The following TSPEAR variants were observed in gnomAD, a reference collection of about 807,000 sequenced individuals.
TSPEAR encodes the protein thrombospondin-type laminin G domain and EAR repeat-containing protein.
Under a neutral mutation model 71.6 loss-of-function variants are expected in TSPEAR, and 69 were observed. That is an observed-to-expected ratio of 0.96 (90% CI 0.79 to 1.18). The LOEUF (loss-of-function observed/expected upper bound fraction) is 1.18. Ranked by LOEUF, TSPEAR falls within the 50% of genes most tolerant of loss-of-function variation. TSPEAR has a pLI of 0.00. For synonymous variants in TSPEAR, 402 were observed against 387.2 expected, an observed-to-expected ratio of 1.04 and a Z score of -0.45; for missense variants, 971 against 894.9, an observed-to-expected ratio of 1.09 and a Z score of -1.09.
At chr21:44,708,036 CACACA>C (rs1988026407) in intron 1 of TSPEAR, among the ~76,000 whole-genome samples, 1 of 144,490 alleles carries the variant, frequency 6.9e-6, no homozygotes, top group Admixed American at 6.9e-5. Flanking sequence ...CACACACACA[CACACA>C]CACACCACAC....
At chr21:44,659,569 A>C (rs1985378423) in intron 1 of TSPEAR, among the ~76,000 whole-genome samples, 2 of 152,212 alleles carry the variant, frequency 1.3e-5, no homozygotes, top group Non-Finnish European at 2.9e-5. Flanking sequence ...AGATATGCAA[A>C]AAAGCAAGGA....
At chr21:44,681,578 G>C in intron 1 of TSPEAR, 1 of 483,608 alleles carries the variant, frequency 2.1e-6, no homozygotes, top group South Asian at 5.0e-5. Context: ...ACGCAGAGTT[G>C]CATGGGGAAA....
At chr21:44,587,141 C>A (rs1979392669) in intron 1 of TSPEAR, among the ~76,000 whole-genome samples, 1 of 152,138 alleles carries the variant, frequency 6.6e-6, no homozygotes, top group East Asian at 1.9e-4. Flanking sequence ...TAGAAAACCC[C>A]AAAGATTCCT....
intron 1 of TSPEAR, among the ~76,000 whole-genome samples, chr21:44,671,287 T>A (rs1986044074): frequency 6.6e-6 from 1 of 152,186 alleles, no homozygotes; most frequent in Non-Finnish European, 1.5e-5. Flanking sequence ...GCTACTACCA[T>A]CATCCATGTC....
intron 1 of TSPEAR, among the ~76,000 whole-genome samples, chr21:44,644,572 G>A (rs587752171): frequency 1.3e-5 from 2 of 152,292 alleles, no homozygotes; most frequent in East Asian, 3.9e-4. Context: ...AATTGGAGCA[G>A]GACCCTAATG....
Position 44,508,854 on chromosome 21 carries a change from C to G in TSPEAR, c.1754+345G>C, listed in dbSNP as rs587671116. On this transcript the variant is annotated intron_variant, in intron 10 of 11. Coordinates refer to ENST00000323084, the MANE Select transcript of TSPEAR (RefSeq NM_144991.3). Reference sequence around the variant, plus strand: ...TCGAAGCCTGCACCTCGCACCTGTCCCTCTGGGGCCTCGGCTATCCCTCCG... The same window carrying G: ...TCGAAGCCTGCACCTCGCACCTGTCGCTCTGGGGCCTCGGCTATCCCTCCG... 2.0e-4 allele frequency: 283 copies of G among 1,408,976 alleles called. 2 individuals are homozygous for G. In the African/African-American group the frequency reaches 3.5e-3, roughly 17 times the overall value. The allele number at this position is 1,408,976 out of a possible 1,614,324, so 87.3% of individuals were successfully genotyped here. A position where few individuals can be genotyped will look rare whatever the true frequency, so the allele number is the denominator to read the frequency against.
In TSPEAR at chr21:44,521,875, G is replaced by T. The variant is rs782775533; in HGVS notation, c.1566+8C>A. Reference sequence around the variant, plus strand: ...ATGGAGAGCCGGGGCTCATGCGGGGGGCCTTACCGGGAAGGACTGGAAGAG... The same window carrying T: ...ATGGAGAGCCGGGGCTCATGCGGGGTGCCTTACCGGGAAGGACTGGAAGAG... On this transcript the variant is annotated splice_region_variant and intron_variant, in intron 9 of 11. Transcript: ENST00000323084. 1 of 1,612,214 alleles carries T rather than the reference G, an allele frequency of 6.2e-7. No individual in the cohort carries two copies.
intron 9 of TSPEAR, among the ~76,000 whole-genome samples, chr21:44,514,313 A>G (rs2052489829): frequency 6.6e-6 from 1 of 152,084 alleles, no homozygotes; most frequent in East Asian, 1.9e-4. Flanking sequence ...AGTGGCCCCC[A>G]CTGTATCCTT....
chr21:44,637,837 C>T (rs782063257), intron 1 of TSPEAR: 2 of 1,384,462 alleles, frequency 1.4e-6, no homozygotes, highest in Non-Finnish European at 2.0e-6. Context: ...GCACCTCCTC[C>T]CCATGCCAGC....
At chr21:44,633,676 T>G (rs1259896234) in intron 1 of TSPEAR, among the ~76,000 whole-genome samples, 3 of 152,222 alleles carry the variant, frequency 2.0e-5, no homozygotes, top group African/African-American at 7.2e-5. Context: ...TGAGAAGAAT[T>G]TGTATTCTGC....
intron 1 of TSPEAR, among the ~76,000 whole-genome samples, chr21:44,583,450 C>T (rs1275780565): frequency 2.0e-5 from 3 of 152,226 alleles, no homozygotes; most frequent in Admixed American, 6.5e-5. Flanking sequence ...CCTGCAGCTC[C>T]GCACTAAGCC....
At chr21:44,539,830 A>T (rs2053179719) in intron 2 of TSPEAR, 1 of 1,576,172 alleles carries the variant, frequency 6.3e-7, no homozygotes, top group Non-Finnish European at 8.6e-7. Context: ...GGCAGCACAC[A>T]GGCTTGCAGC....
At chr21:44,653,228 G>A (rs893821841) in intron 1 of TSPEAR, among the ~76,000 whole-genome samples, 1 of 152,194 alleles carries the variant, frequency 6.6e-6, no homozygotes, top group Non-Finnish European at 1.5e-5. Flanking sequence ...TAGGGCGAGT[G>A]ATGATGCCTC....
At chr21:44,571,453 T>G (rs2053795424) in intron 1 of TSPEAR, among the ~76,000 whole-genome samples, 1 of 152,224 alleles carries the variant, frequency 6.6e-6, no homozygotes, top group South Asian at 2.1e-4. Context: ...TGGGTGTTAA[T>G]GCACATGCCA....
In TSPEAR at chr21:44,710,791, G is replaced by A. The variant is rs1988180675; in HGVS notation, c.82+642C>T. Among the ~76,000 whole-genome samples the A allele has an allele frequency of 6.6e-6, 1 of 152,226 alleles. No individual in the cohort carries two copies. Among genetic ancestry groups the A allele is most frequent in the Non-Finnish European group, 1.5e-5 (1 of 68,046 alleles). ...AAAAGTATTAGCGTGTCATGGTCATGAGCAAGCCAAACAGCCTTTCTAAAA... is the reference window on the plus strand; with the variant it reads ...AAAAGTATTAGCGTGTCATGGTCATAAGCAAGCCAAACAGCCTTTCTAAAA... On this transcript the variant is annotated intron_variant, in intron 1 of 11. Coordinates refer to ENST00000323084, the MANE Select transcript of TSPEAR (RefSeq NM_144991.3). The surrounding 1 kb of genome is among the most constrained non-coding windows in gnomAD (Gnocchi z 4.6).
chr21:44,689,240 C>G (rs1001118304), intron 1 of TSPEAR, among the ~76,000 whole-genome samples: 1 of 152,180 alleles, frequency 6.6e-6, no homozygotes, highest in Non-Finnish European at 1.5e-5. Context: ...CGGTGGCTCA[C>G]GCCTGTAATC....
At chr21:44,605,149 A>G (rs1981227451) in intron 1 of TSPEAR, among the ~76,000 whole-genome samples, 1 of 152,250 alleles carries the variant, frequency 6.6e-6, no homozygotes, top group African/African-American at 2.4e-5. Context: ...AATTAATAGC[A>G]TTTCTATATA....
chr21:44,677,459 C>T, intron 1 of TSPEAR: 1 of 858,234 alleles, frequency 1.2e-6, no homozygotes, highest in Non-Finnish European at 2.0e-6. Flanking sequence ...CTTCAAAGCT[C>T]TTGGCTAGAG....
At chr21:44,637,230 G>A in intron 1 of TSPEAR, 1 of 789,386 alleles carries the variant, frequency 1.3e-6, no homozygotes, top group African/African-American at 1.7e-5. Context: ...AAAGGAAGCA[G>A]AAATAATGAG....
Sources: allele counts gnomAD v4.1 joint callset (sites outside exome capture counted in the v4.1 genomes callset), GRCh38; gene constraint gnomAD v4.1.1; non-coding constraint Gnocchi (gnomAD v3.1); transcripts MANE v1.5; gene names NCBI Gene and HGNC (gene_info 2026-07-23, HGNC 2026-07-21).